GNA13: variants seen among roughly 807,000 people sequenced by gnomAD.
GNA13 encodes G protein subunit alpha 13, also known as guanine nucleotide-binding protein subunit alpha-13.
GNA13 carries 4 observed loss-of-function variants against 33.5 expected under a neutral mutation model. The ratio of observed to expected loss-of-function variants is 0.12; its 90% CI spans 0.06 to 0.27. The LOEUF (loss-of-function observed/expected upper bound fraction) is 0.27, where lower values mean the gene tolerates loss of function less well. Among genes scored for constraint, GNA13 ranks in the 10% least tolerant of loss-of-function variants. GNA13 has a pLI of 1.00. For synonymous variants in GNA13, 176 were observed against 183.8 expected, an observed-to-expected ratio of 0.96 and a Z score of 0.34; for missense variants, 319 against 487.2, an observed-to-expected ratio of 0.65 and a Z score of 3.25.
In GNA13 at chr17:65,009,940, G is replaced by T. The variant is rs144892852; in HGVS notation, c.*4317C>A. 2.5e-3 allele frequency among the ~76,000 whole-genome samples: 386 copies of T among 152,146 alleles called. 4 individuals carry two copies. Among genetic ancestry groups the T allele is most frequent in the African/African-American group, 8.6e-3 (355 of 41,516 alleles). On this transcript the variant is annotated 3_prime_UTR_variant, in exon 4 of 4. Coordinates refer to ENST00000439174, the MANE Select transcript of GNA13 (RefSeq NM_006572.6). ...AGTCACATACCAAGTAGTATATGAC[G>T]TTCAGTGATATTCACTGACTGAAAT...
At chr17:65,015,271 C>T (rs1906321931) in intron 3 of GNA13, among the ~76,000 whole-genome samples, 1 of 152,162 alleles carries the variant, frequency 6.6e-6, no homozygotes. Context: ...TATCCACCTG[C>T]AATCTTACTC....
intron 2 of GNA13, among the ~76,000 whole-genome samples, chr17:65,044,089 G>C (rs758407169): frequency 2.0e-5 from 3 of 152,190 alleles, no homozygotes; most frequent in Non-Finnish European, 4.4e-5. Context: ...CTGTGCCACT[G>C]CACATTGGCC....
intron 1 of GNA13, chr17:65,055,603 C>T (rs959895424): frequency 4.5e-5 from 44 of 985,272 alleles, no homozygotes; most frequent in Non-Finnish European, 5.2e-5. Context: ...CTGACCGTGA[C>T]ACTGGGGCGA....
At chr17:65,018,582 A>G (rs1906467213) in intron 2 of GNA13, among the ~76,000 whole-genome samples, 1 of 152,234 alleles carries the variant, frequency 6.6e-6, no homozygotes, top group Non-Finnish European at 1.5e-5. Context: ...TTTTGCTATA[A>G]CTACGTATCC....
rs752007053 is a variant in GNA13 at position 65,011,005 on chromosome 17, T to C, written c.*3252A>G. ...ACATGGTAACTTTATTCTTCATATA[T>C]AAATAAGGCATAATCGGATGTGTAT... On this transcript the variant is annotated 3_prime_UTR_variant, in exon 4 of 4. Coordinates refer to ENST00000439174, the MANE Select transcript of GNA13 (RefSeq NM_006572.6). 5.1e-6 allele frequency: 1 copy of C among 197,208 alleles called. No individual in the cohort carries two copies. The highest frequency in any genetic ancestry group is 1.1e-5 in the Non-Finnish European group (1 of 95,152). The allele number at this position is 197,208 out of a possible 1,614,324, so 12.2% of individuals were successfully genotyped here. A position where few individuals can be genotyped will look rare whatever the true frequency, so the allele number is the denominator to read the frequency against.
At chr17:65,025,653 T>C (rs1246060393) in intron 2 of GNA13, among the ~76,000 whole-genome samples, 2 of 152,052 alleles carry the variant, frequency 1.3e-5, no homozygotes, top group Non-Finnish European at 2.9e-5. Context: ...CATTGCATGA[T>C]AGGTAAATAA....
chr17:65,044,855 C>T (rs1417807699), intron 2 of GNA13, among the ~76,000 whole-genome samples: 1 of 151,788 alleles, frequency 6.6e-6, no homozygotes, highest in Non-Finnish European at 1.5e-5. Context: ...CGAGCCCGGC[C>T]AACATGGTGA....
chr17:65,014,229 G>A lies in GNA13; in HGVS notation c.*28C>T. On this transcript the variant is annotated 3_prime_UTR_variant, in exon 4 of 4. Transcript: ENST00000439174. This position sits in a 1 kb window ranked among gnomAD's most constrained non-coding sequence, Gnocchi z 5.3. ...ACAGAAAACATCAAAAACACAAAAA[G>A]ATATTAAAACAGCAAGTCTTTTGTA... 1 of 1,286,578 alleles carries A rather than the reference G, an allele frequency of 7.8e-7. No homozygotes were observed. Among genetic ancestry groups the A allele is most frequent in the South Asian group, 1.3e-5 (1 of 78,534 alleles). The allele number at this position is 1,286,578 out of a possible 1,614,324, so 79.7% of individuals were successfully genotyped here.
chr17:65,039,569 A>G (rs1487557520), intron 2 of GNA13, among the ~76,000 whole-genome samples: 2 of 152,168 alleles, frequency 1.3e-5, no homozygotes, highest in Non-Finnish European at 2.9e-5. Context: ...AACTTTGCAC[A>G]TGGTGCTCAT....
In GNA13 at chr17:65,056,489, G is replaced by A; in HGVS notation, c.105C>T (p.Asp35=). The A allele has an allele frequency of 6.2e-7, 1 of 1,613,748 alleles. No individual in the cohort carries two copies. Among genetic ancestry groups the A allele is most frequent in the Non-Finnish European group, 8.5e-7 (1 of 1,179,902 alleles). ...AEQQRKSKEI[D]KCLSREKTYV... ...AGGTCTTTTCCCGAGACAGGCATTTGTCGATCTCCTTGGACTTGCGTTGCT... is the reference window on the plus strand; with the variant it reads ...AGGTCTTTTCCCGAGACAGGCATTTATCGATCTCCTTGGACTTGCGTTGCT... The change falls in exon 1 of 4, where the codon GAC becomes GAT. Residue 35 remains aspartate, a synonymous_variant. Transcript: ENST00000439174.
intron 2 of GNA13, among the ~76,000 whole-genome samples, chr17:65,026,745 T>C (rs972325476): frequency 2.6e-5 from 4 of 152,202 alleles, no homozygotes; most frequent in Non-Finnish European, 5.9e-5. Flanking sequence ...GACATATACA[T>C]GAACCTTTTC....
chr17:65,016,822 C>T (rs1160142280), intron 3 of GNA13, among the ~76,000 whole-genome samples: 1 of 152,232 alleles, frequency 6.6e-6, no homozygotes, highest in South Asian at 2.1e-4. Flanking sequence ...ATGCACACAG[C>T]GTTCAGCCTA....
intron 2 of GNA13, among the ~76,000 whole-genome samples, chr17:65,046,618 G>A (rs1056568428): frequency 6.6e-6 from 1 of 152,162 alleles, no homozygotes; most frequent in Admixed American, 6.5e-5. Context: ...GGTTGGCTGC[G>A]CATATCTGTG....
intron 3 of GNA13, among the ~76,000 whole-genome samples, chr17:65,016,443 C>A (rs1309578640): frequency 1.3e-5 from 2 of 152,164 alleles, no homozygotes; most frequent in African/African-American, 2.4e-5. Context: ...CTCACTGCAA[C>A]CTGCGCCTCC....
At chr17:65,046,634 T>G (rs1190637337) in intron 2 of GNA13, among the ~76,000 whole-genome samples, 2 of 152,244 alleles carry the variant, frequency 1.3e-5, no homozygotes, top group Non-Finnish European at 1.5e-5. Flanking sequence ...CTGTGAAAGA[T>G]AAGCAGGGAA....
At position 65,031,144 on chromosome 17, in the gene GNA13, G is replaced by A. The variant is rs149272935; in HGVS notation, c.511-12841C>T. Among the ~76,000 whole-genome samples the A allele has an allele frequency of 1.2e-4, 18 of 152,212 alleles. No individual in the cohort carries two copies. The East Asian group carries it at 3.3e-3, about 28-fold the overall frequency. On this transcript the variant is annotated intron_variant, in intron 2 of 3. Transcript: ENST00000439174. Reference sequence around the variant, plus strand: ...GCATACACAGCCTACTACATACCTCGGCTATATGGCATGGCCTATTGCTTC... The same window carrying A: ...GCATACACAGCCTACTACATACCTCAGCTATATGGCATGGCCTATTGCTTC...
At chr17:65,021,626 A>C (rs927423570) in intron 2 of GNA13, among the ~76,000 whole-genome samples, 1 of 152,240 alleles carries the variant, frequency 6.6e-6, no homozygotes, top group African/African-American at 2.4e-5. Flanking sequence ...AAGGATATGG[A>C]ATTTAAGCTG....
rs1319826253 is a variant in GNA13 at position 65,012,478 on chromosome 17, T to C, written c.*1779A>G. On this transcript the variant is annotated 3_prime_UTR_variant, in exon 4 of 4. Transcript: ENST00000439174. ...GAATGATACCATGATACCACGAACA[T>C]GCACGATACCATGAACTTGCATCAC... The C allele has an allele frequency of 9.1e-6, 2 of 219,776 alleles. No individual in the cohort carries two copies. Among genetic ancestry groups the C allele is most frequent in the East Asian group, 6.6e-5 (1 of 15,056 alleles). 13.6% of individuals were successfully genotyped at this position (219,776 alleles called of 1,614,324 possible). A position where few individuals can be genotyped will look rare whatever the true frequency, so the allele number is the denominator to read the frequency against.
chr17:65,045,496 A>T (rs1907626187), intron 2 of GNA13, among the ~76,000 whole-genome samples: 1 of 128,170 alleles, frequency 7.8e-6, no homozygotes, highest in South Asian at 3.1e-4. Flanking sequence ...CAACAGATCA[A>T]GACTCTGTCT....
Sources: gnomAD v4.1 joint callset for allele counts (sites outside exome capture counted in the v4.1 genomes callset) on GRCh38, gnomAD v4.1.1 for gene constraint, Gnocchi (gnomAD v3.1) non-coding constraint, MANE v1.5 for transcripts, NCBI Gene and HGNC (gene_info 2026-07-23, HGNC 2026-07-21) for gene names.